VSTM2B: variants seen among roughly 807,000 people sequenced by gnomAD.
The protein encoded by VSTM2B is V-set and transmembrane domain-containing protein 2B.
A neutral mutation model predicts 24.0 loss-of-function variants in VSTM2B; 24 were observed. That is an observed-to-expected ratio of 1.00 (90% confidence interval 0.72 to 1.40). The LOEUF (loss-of-function observed/expected upper bound fraction) is 1.40, where lower values mean the gene tolerates loss of function less well. VSTM2B is among the 40% of genes most tolerant of loss of function. The pLI, the probability that VSTM2B is intolerant of heterozygous loss-of-function variation, is 0.00. For synonymous variants in VSTM2B, 226 were observed against 194.4 expected (o/e 1.16, Z -1.35); for missense variants, 399 against 416.4 (o/e 0.96, Z 0.36).
intron 4 of VSTM2B, among the ~76,000 whole-genome samples, chr19:29,541,592 A>G (rs1448772849): frequency 6.6e-6 from 1 of 152,030 alleles, no homozygotes; most frequent in Non-Finnish European, 1.5e-5. Context: ...GGATGGAATA[A>G]TAAATGGATG....
chr19:29,554,645 C>A (rs1160316017), intron 4 of VSTM2B, among the ~76,000 whole-genome samples: 1 of 152,116 alleles, frequency 6.6e-6, no homozygotes, highest in East Asian at 1.9e-4. Context: ...AGAGTCAGGA[C>A]CCATTGGTGT....
chr19:29,553,376 T>G (rs1220888407), intron 4 of VSTM2B, among the ~76,000 whole-genome samples: 1 of 152,032 alleles, frequency 6.6e-6, no homozygotes, highest in East Asian at 1.9e-4. Flanking sequence ...GCCTGACTGT[T>G]AAAACAAAAG....
intron 1 of VSTM2B, 106 bp from the exon 2 acceptor site, chr19:29,527,105 T>TG (rs1337933433): frequency 1.0e-5 from 10 of 1,003,716 alleles, no homozygotes; most frequent in Non-Finnish European, 1.4e-5. Flanking sequence ...AGCTGCGGGG[T>TG]GGGGGGCACA....
At chr19:29,530,335 G>A in intron 4 of VSTM2B, 45 bp downstream of exon 4, 1 of 1,435,196 alleles carries the variant, frequency 7.0e-7, no homozygotes, top group East Asian at 3.0e-5. Flanking sequence ...GATGGCGCAG[G>A]GCTAGGGCTG....
chr19:29,552,576 G>A (rs143123553), intron 4 of VSTM2B, among the ~76,000 whole-genome samples: 65 of 152,326 alleles, frequency 4.3e-4, no homozygotes, highest in African/African-American at 1.4e-3. Flanking sequence ...GTGGGTCAGG[G>A]GATCTCCCTC....
In VSTM2B at chr19:29,526,795, G is replaced by A; in HGVS notation, c.82+130G>A. On this transcript the variant is annotated intron_variant, in intron 1 of 4. Coordinates refer to ENST00000335523, the MANE Select transcript of VSTM2B (RefSeq NM_001146339.2). The surrounding 1 kb of genome is among the most constrained non-coding windows in gnomAD (Gnocchi z 4.1). Reference sequence around the variant, plus strand: ...CCAGCAATCCCGCTGTGCAGCCTGGGCCCGGAGGGGTAGGGAGAGGCGAGC... The same window carrying A: ...CCAGCAATCCCGCTGTGCAGCCTGGACCCGGAGGGGTAGGGAGAGGCGAGC... 1 of 853,700 alleles carries A rather than the reference G, an allele frequency of 1.2e-6. No homozygotes were observed. Among genetic ancestry groups the A allele is most frequent in the East Asian group, 3.1e-5 (1 of 31,876 alleles). 52.9% of individuals were successfully genotyped at this position (853,700 alleles called of 1,614,324 possible). A position where few individuals can be genotyped will look rare whatever the true frequency, so the allele number is the denominator to read the frequency against.
At chr19:29,528,541 C>A in intron 3 of VSTM2B, 79 bp downstream of exon 3, 2 of 1,517,208 alleles carry the variant, frequency 1.3e-6, no homozygotes, top group South Asian at 2.4e-5. Context: ...CCTTAGCAAG[C>A]CGCGGCGGCC....
rs1969589967 is a variant in VSTM2B, at chr19:29,526,972, G to A, written c.83-239G>A. 4.3e-6 allele frequency: 2 copies of A among 468,962 alleles called. No homozygotes were observed. Among genetic ancestry groups the A allele is most frequent in the Non-Finnish European group, 3.7e-6 (1 of 270,162 alleles). 29.1% of individuals were successfully genotyped at this position (468,962 alleles called of 1,614,324 possible). On this transcript the variant is annotated intron_variant, in intron 1 of 4. Coordinates refer to ENST00000335523, the MANE Select transcript of VSTM2B (RefSeq NM_001146339.2). The surrounding 1 kb of genome is among the most constrained non-coding windows in gnomAD (Gnocchi z 4.1). Reference sequence around the variant, plus strand: ...GGCCAGGGGCGGGGGAGAAGCACGAGTCGCCCCTGCCGCCCCGCCCCATCC... The same window carrying A: ...GGCCAGGGGCGGGGGAGAAGCACGAATCGCCCCTGCCGCCCCGCCCCATCC...
intron 4 of VSTM2B, among the ~76,000 whole-genome samples, chr19:29,559,054 C>A (rs1033258546): frequency 6.6e-6 from 1 of 152,156 alleles, no homozygotes; most frequent in Non-Finnish European, 1.5e-5. Context: ...GACAATGTGG[C>A]TATTCCTCAA....
chr19:29,529,664 A>G (rs931820474), intron 3 of VSTM2B, among the ~76,000 whole-genome samples, 155 bp from the exon 4 acceptor site: 4 of 152,184 alleles, frequency 2.6e-5, no homozygotes, highest in African/African-American at 9.6e-5. Flanking sequence ...GCCACTGGGT[A>G]GACGCGGGTG....
chr19:29,527,944 G>A lies in VSTM2B; in HGVS notation c.268-489G>A, dbSNP rs1018539807. 2.0e-5 allele frequency among the ~76,000 whole-genome samples: 3 copies of A among 152,190 alleles called. No individual in the cohort carries two copies. The East Asian group carries it at 5.8e-4, about 29-fold the overall frequency. ...CTCTTACACACTCTAGTGTGCTCGC[G>A]TGCACACACACCTACACACACACCT... On this transcript the variant is annotated intron_variant, in intron 2 of 4. Coordinates refer to ENST00000335523, the MANE Select transcript of VSTM2B (RefSeq NM_001146339.2).
At chr19:29,555,528 T>C (rs1389646464) in intron 4 of VSTM2B, among the ~76,000 whole-genome samples, 1 of 151,814 alleles carries the variant, frequency 6.6e-6, no homozygotes, top group African/African-American at 2.4e-5. Context: ...ACTCCAAAGC[T>C]AGTAAAAGAA....
intron 4 of VSTM2B, 145 bp downstream of exon 4, chr19:29,530,435 G>GCCC: frequency 3.0e-6 from 2 of 664,692 alleles, no homozygotes; most frequent in Non-Finnish European, 4.5e-6. Context: ...GGTCGGGAGC[G>GCCC]CCCCCCCCAG....
At chr19:29,545,870 GAAAGAAAAGA>G (rs148039329) in intron 4 of VSTM2B, among the ~76,000 whole-genome samples, 3,668 of 151,558 alleles carry the variant, frequency 0.024, 96 homozygotes, top group African/African-American at 0.07. Flanking sequence ...GTTGAAAAAA[GAAAGAAAAGA>G]AAAGAAAAGA....
At position 29,561,404 on chromosome 19, in the gene VSTM2B, A is replaced by C. The variant is rs542367497; in HGVS notation, c.770-2442A>C. On this transcript the variant is annotated intron_variant, in intron 4 of 4. Transcript: ENST00000335523. ...TTTGGGAGGCCGAGGCAGGTGGATC[A>C]CCTGAGGTCAGGAGTTCGAGACAAG... is the stretch of plus-strand genomic sequence containing the variant. Among the ~76,000 whole-genome samples the C allele has an allele frequency of 2.6e-5, 4 of 152,274 alleles. No homozygotes were observed. The East Asian group carries it at 5.8e-4, about 22-fold the overall frequency.
chr19:29,543,011 C>T (rs140981059), intron 4 of VSTM2B, among the ~76,000 whole-genome samples: 95 of 152,306 alleles, frequency 6.2e-4, no homozygotes, highest in African/African-American at 2.1e-3. Context: ...CTGCTTCCGA[C>T]TCCCCTAATC....
intron 4 of VSTM2B, among the ~76,000 whole-genome samples, chr19:29,549,054 A>C (rs1455336164): frequency 6.6e-6 from 1 of 152,238 alleles, no homozygotes; most frequent in East Asian, 1.9e-4. Context: ...GTGGAAAAGC[A>C]GTCCTGGGGT....
At position 29,528,495 on chromosome 19, in the gene VSTM2B, AC is replaced by A. The variant is rs753842487; in HGVS notation, c.297+37del. 88 of 1,550,150 alleles carry A rather than the reference AC, an allele frequency of 5.7e-5. No homozygotes were observed. In the East Asian group the frequency reaches 1.3e-3, roughly 24 times the overall value. On this transcript the variant is annotated intron_variant, in intron 3 of 4. Coordinates refer to ENST00000335523, the MANE Select transcript of VSTM2B (RefSeq NM_001146339.2). Reference sequence around the variant, plus strand: ...TGGAGCCCAGCGCGGGCCGCGGGAGACCCCTTCTGGCCGCCTCGGGTCCCGC... The same window carrying A: ...TGGAGCCCAGCGCGGGCCGCGGGAGACCCTTCTGGCCGCCTCGGGTCCCGC...
chr19:29,559,300 T>C (rs147213649), intron 4 of VSTM2B, among the ~76,000 whole-genome samples: 154 of 152,360 alleles, frequency 1.0e-3, no homozygotes, highest in Middle Eastern at 3.4e-3. Context: ...GATGAGTTCA[T>C]GTCCTTTGCA....
Sources: gnomAD v4.1 joint callset for allele counts (sites outside exome capture counted in the v4.1 genomes callset) on GRCh38, gnomAD v4.1.1 for gene constraint, Gnocchi (gnomAD v3.1) non-coding constraint, MANE v1.5 for transcripts, NCBI Gene and HGNC (gene_info 2026-07-23, HGNC 2026-07-21) for gene names.